EPHA6: variants seen among roughly 807,000 people sequenced by gnomAD.
EPHA6 encodes EPH receptor A6, also known as ephrin type-A receptor 6.
In EPHA6, 50 loss-of-function variants were observed where a neutral mutation model predicts 112.0. The ratio of observed to expected loss-of-function variants is 0.45; its 90% CI spans 0.36 to 0.56. EPHA6 has a LOEUF of 0.56. Among genes scored for constraint, EPHA6 ranks in the 20% least tolerant of loss-of-function variants. EPHA6 has a pLI of 0.00. For missense variants in EPHA6, 1,280 were observed against 1,417.4 expected, an observed-to-expected ratio of 0.90 and a Z score of 1.56; for synonymous variants, 529 against 490.7, an observed-to-expected ratio of 1.08 and a Z score of -1.03.
At chr3:97,541,850 G>A (rs2092859463) in intron 11 of EPHA6, among the ~76,000 whole-genome samples, 1 of 150,886 alleles carries the variant, frequency 6.6e-6, no homozygotes, top group Middle Eastern at 3.2e-3. Context: ...GTATTAGTCA[G>A]GGTTCTCTTA....
intron 3 of EPHA6, among the ~76,000 whole-genome samples, chr3:97,126,627 A>G (rs2048188557): frequency 6.6e-6 from 1 of 152,042 alleles, no homozygotes; most frequent in Admixed American, 6.6e-5. Context: ...CCATTACACT[A>G]AACTTCTACT....
chr3:97,307,217 G>A (rs373310623), intron 5 of EPHA6, among the ~76,000 whole-genome samples: 2 of 151,396 alleles, frequency 1.3e-5, no homozygotes, highest in African/African-American at 4.8e-5. Flanking sequence ...CCTCATCCCC[G>A]CCCACTCTTC....
chr3:97,247,922 G>A (rs2079030327), intron 5 of EPHA6, among the ~76,000 whole-genome samples: 2 of 152,044 alleles, frequency 1.3e-5, no homozygotes, highest in South Asian at 4.1e-4. Flanking sequence ...CTCTATGTAT[G>A]CACATTGTGG....
At chr3:97,662,532 C>T (rs1309924994) in intron 14 of EPHA6, among the ~76,000 whole-genome samples, 1 of 152,174 alleles carries the variant, frequency 6.6e-6, no homozygotes, top group East Asian at 1.9e-4. Flanking sequence ...CCCAGTTCAT[C>T]TCCCAGCTCA....
At chr3:97,144,332 AT>A (rs1235659491) in intron 3 of EPHA6, among the ~76,000 whole-genome samples, 1 of 151,594 alleles carries the variant, frequency 6.6e-6, no homozygotes, top group Non-Finnish European at 1.5e-5. Flanking sequence ...TTTAAAATTT[AT>A]TTATATTTAC....
intron 5 of EPHA6, among the ~76,000 whole-genome samples, chr3:97,393,487 G>A (rs748244449): frequency 6.6e-6 from 1 of 151,832 alleles, no homozygotes; most frequent in East Asian, 1.9e-4. Flanking sequence ...CAACTTTAAA[G>A]ATAACTTGTC....
chr3:97,461,723 T>C (rs1365192768), intron 7 of EPHA6, among the ~76,000 whole-genome samples: 3 of 152,136 alleles, frequency 2.0e-5, no homozygotes, highest in African/African-American at 7.2e-5. Context: ...GTTAGCTAGT[T>C]TTGGTGTTAG....
intron 14 of EPHA6, among the ~76,000 whole-genome samples, chr3:97,714,432 C>T (rs2034124312): frequency 6.6e-6 from 1 of 152,042 alleles, no homozygotes; most frequent in African/African-American, 2.4e-5. Flanking sequence ...CAGAAAAGGA[C>T]AAAACTTTCC....
intron 5 of EPHA6, among the ~76,000 whole-genome samples, chr3:97,320,790 C>G (rs1223368953): frequency 1.3e-4 from 18 of 136,624 alleles, no homozygotes. Context: ...AGCTTATTTA[C>G]TACATCGTTC....
chr3:97,146,834 C>T (rs1157547561), intron 3 of EPHA6, among the ~76,000 whole-genome samples: 1 of 151,268 alleles, frequency 6.6e-6, no homozygotes, highest in Non-Finnish European at 1.5e-5. Context: ...TGCACTACTG[C>T]CAGAATACTC....
At chr3:97,495,913 C>CTTT (rs937357686) in intron 10 of EPHA6, among the ~76,000 whole-genome samples, 1 of 152,150 alleles carries the variant, frequency 6.6e-6, no homozygotes, top group African/African-American at 2.4e-5. Context: ...TATGGCCGTA[C>CTTT]TTTTTCCCTG....
At chr3:97,611,550 T>A (rs1300219557) in intron 13 of EPHA6, among the ~76,000 whole-genome samples, 3 of 151,932 alleles carry the variant, frequency 2.0e-5, no homozygotes, top group African/African-American at 7.2e-5. Context: ...TCATGTGCTA[T>A]GAAAATATTC....
chr3:97,519,507 C>G (rs962394877), intron 10 of EPHA6, among the ~76,000 whole-genome samples: 4 of 152,070 alleles, frequency 2.6e-5, no homozygotes, highest in Admixed American at 6.5e-5. Context: ...GCTGTTTTTT[C>G]TATTTCTGTG....
At chr3:97,696,090 A>G (rs577419356) in intron 14 of EPHA6, among the ~76,000 whole-genome samples, 114 of 152,332 alleles carry the variant, frequency 7.5e-4, no homozygotes, top group African/African-American at 2.4e-3. Context: ...TCTGACACCA[A>G]ACTTAAATTA....
At chr3:97,183,690 TTGTG>T (rs1370711977) in intron 3 of EPHA6, among the ~76,000 whole-genome samples, 1 of 152,068 alleles carries the variant, frequency 6.6e-6, no homozygotes, top group Non-Finnish European at 1.5e-5. Flanking sequence ...AGTCTTAATT[TTGTG>T]TGTGTGGTGT....
intron 11 of EPHA6, among the ~76,000 whole-genome samples, chr3:97,564,551 C>T (rs1179399837): frequency 1.3e-5 from 2 of 151,994 alleles, no homozygotes; most frequent in East Asian, 3.9e-4. Context: ...TAAGGGTCGA[C>T]TTTTAAAGAA....
In EPHA6 at chr3:96,959,068, A is replaced by G. The variant is rs535922089; in HGVS notation, c.451-28262A>G. Among the ~76,000 whole-genome samples the G allele has an allele frequency of 5.3e-5, 8 of 152,316 alleles. No individual in the cohort carries two copies. In the South Asian group the frequency reaches 1.5e-3, roughly 28 times the overall value. ...GTCATTTGGTAACTCTATGTTCAACATTTGAAAAAATTTCCTCTGTTTTCT... is the reference window on the plus strand; with the variant it reads ...GTCATTTGGTAACTCTATGTTCAACGTTTGAAAAAATTTCCTCTGTTTTCT... On this transcript the variant is annotated intron_variant, in intron 2 of 17. Coordinates refer to ENST00000389672, the MANE Select transcript of EPHA6 (RefSeq NM_001080448.3).
At chr3:97,175,383 CT>C (rs1376407472) in intron 3 of EPHA6, among the ~76,000 whole-genome samples, 1 of 151,794 alleles carries the variant, frequency 6.6e-6, no homozygotes, top group African/African-American at 2.4e-5. Context: ...TTTTCTGGGT[CT>C]TTTGAGATTC....
chr3:97,289,868 T>A (rs964652642), intron 5 of EPHA6, among the ~76,000 whole-genome samples: 3 of 152,134 alleles, frequency 2.0e-5, no homozygotes, highest in Admixed American at 6.5e-5. Context: ...GGCTCTCGGC[T>A]AGTGGTCTAT....
Sources: gnomAD v4.1 joint callset for allele counts (sites outside exome capture counted in the v4.1 genomes callset) on GRCh38, gnomAD v4.1.1 for gene constraint, MANE v1.5 for transcripts, NCBI Gene and HGNC (gene_info 2026-07-23, HGNC 2026-07-21) for gene names.